The following DLG1 variants were observed in gnomAD, a reference collection of about 807,000 sequenced individuals.
DLG1 encodes discs large MAGUK scaffold protein 1.
DLG1 carries 42 observed loss-of-function variants against 123.4 expected under a neutral mutation model. The ratio of observed to expected loss-of-function variants is 0.34; its 90% CI spans 0.27 to 0.44. The LOEUF is 0.44. DLG1 is among the 20% of genes least tolerant of loss of function. DLG1 has a pLI of 1.00. For missense variants in DLG1, 942 were observed against 1,082.6 expected, an observed-to-expected ratio of 0.87 and a Z score of 1.82; for synonymous variants, 317 against 356.2, an observed-to-expected ratio of 0.89 and a Z score of 1.24.
At chr3:197,177,513 G>A (rs933602945) in intron 5 of DLG1, among the ~76,000 whole-genome samples, 10 of 152,086 alleles carry the variant, frequency 6.6e-5, no homozygotes, top group South Asian at 4.1e-4. Context: ...GAGACAAAAT[G>A]AATGTGGTAT....
chr3:197,144,360 G>A (rs535027391), intron 6 of DLG1, among the ~76,000 whole-genome samples: 1 of 152,120 alleles, frequency 6.6e-6, no homozygotes, highest in Admixed American at 6.5e-5. Context: ...CAAAACCCTT[G>A]GCCAAAAGCC....
chr3:197,169,132 A>C (rs1802832070), intron 5 of DLG1, among the ~76,000 whole-genome samples: 1 of 152,186 alleles, frequency 6.6e-6, no homozygotes, highest in South Asian at 2.1e-4. Flanking sequence ...CTGAACACTC[A>C]CTACATACAG....
rs529595717 is a variant in DLG1 at position 197,125,993 on chromosome 3, G to C, written c.1165+4534C>G. Among the ~76,000 whole-genome samples the C allele has an allele frequency of 2.0e-5, 3 of 152,158 alleles. No homozygotes were observed. In the East Asian group the frequency reaches 5.8e-4, roughly 29 times the overall value. ...TTATGTAAAAAAAATTTAAACACAA[G>C]TGCTTTTCAAAAAACACAAACAGAT... On this transcript the variant is annotated intron_variant, in intron 11 of 24. Transcript: ENST00000667157.
rs188995204 is a variant in DLG1, at chr3:197,063,459, G to T, written c.2373+1817C>A. On this transcript the variant is annotated intron_variant, in intron 22 of 24. Transcript: ENST00000667157. The stretch of plus-strand genomic sequence containing the variant: ...CATTAAGTTCTGATTTACCTTTCCT[G>T]TGCTTATTTTCACACAACTGAGCAG... 2.4e-4 allele frequency among the ~76,000 whole-genome samples: 36 copies of T among 151,872 alleles called. No individual in the cohort carries two copies. In the East Asian group the frequency reaches 6.6e-3, roughly 28 times the overall value.
chr3:197,064,011 C>T (rs1737696684), intron 22 of DLG1, among the ~76,000 whole-genome samples: 1 of 148,696 alleles, frequency 6.7e-6, no homozygotes, highest in South Asian at 2.1e-4. Flanking sequence ...TCACTGCAAT[C>T]TCCTGGGTTC....
rs558427868 is a variant in DLG1, at chr3:197,298,550, A to C, written c.-46T>G. 32 of 398,314 alleles carry C rather than the reference A, an allele frequency of 8.0e-5. No homozygotes were observed. The highest frequency in any genetic ancestry group is 4.5e-4 in the African/African-American group (22 of 48,608). The allele number at this position is 398,314 out of a possible 1,614,324, so 24.7% of individuals were successfully genotyped here. On this transcript the variant is annotated 5_prime_UTR_variant, in exon 1 of 25. Coordinates refer to ENST00000667157, the MANE Select transcript of DLG1 (RefSeq NM_001366207.1). ...GGCGCACATACCGAGACACCCCTCA[A>C]CCTCACTCAGCAGTGCCGTTTCCAA...
chr3:197,222,205 G>A (rs770783724), intron 4 of DLG1, among the ~76,000 whole-genome samples: 5 of 152,124 alleles, frequency 3.3e-5, no homozygotes, highest in South Asian at 2.1e-4. Flanking sequence ...AGGAGAGTCC[G>A]TGTGACACAG....
intron 5 of DLG1, among the ~76,000 whole-genome samples, chr3:197,178,109 A>G (rs1243845360): frequency 1.3e-5 from 2 of 152,140 alleles, no homozygotes; most frequent in African/African-American, 4.8e-5. Flanking sequence ...AGACAGTAAA[A>G]AATGTATAAT....
chr3:197,170,093 A>G (rs1345858605), intron 5 of DLG1, among the ~76,000 whole-genome samples: 1 of 152,122 alleles, frequency 6.6e-6, no homozygotes, highest in Non-Finnish European at 1.5e-5. Flanking sequence ...ACAAGATCTC[A>G]TTCATTTTTA....
chr3:197,125,816 A>G (rs990307234), intron 11 of DLG1, among the ~76,000 whole-genome samples: 1 of 152,202 alleles, frequency 6.6e-6, no homozygotes, highest in Non-Finnish European at 1.5e-5. Context: ...TGGCAAAACG[A>G]CAATGGGCCT....
intron 20 of DLG1, among the ~76,000 whole-genome samples, chr3:197,066,220 T>C (rs574854546): frequency 1.6e-4 from 24 of 152,228 alleles, no homozygotes; most frequent in Admixed American, 1.0e-3. Context: ...AAAGATGATC[T>C]AACAGAAGTG....
intron 4 of DLG1, among the ~76,000 whole-genome samples, chr3:197,275,398 C>G (rs1368265850): frequency 6.6e-6 from 1 of 152,134 alleles, no homozygotes; most frequent in Non-Finnish European, 1.5e-5. Flanking sequence ...GCGAGGTATA[C>G]ACCCAAAAGA....
chr3:197,297,749 C>T (rs1778215502), intron 1 of DLG1: 1 of 986,250 alleles, frequency 1.0e-6, no homozygotes, highest in Non-Finnish European at 1.2e-6. Flanking sequence ...GCGACGCCCT[C>T]GCGCCCCGCA....
At chr3:197,220,703 G>A (rs1006488738) in intron 4 of DLG1, among the ~76,000 whole-genome samples, 5 of 152,234 alleles carry the variant, frequency 3.3e-5, no homozygotes, top group Admixed American at 2.6e-4. Flanking sequence ...ACACCATCCT[G>A]AAAGACTGAG....
intron 13 of DLG1, among the ~76,000 whole-genome samples, chr3:197,113,059 A>C (rs1475311279): frequency 6.6e-6 from 1 of 152,166 alleles, no homozygotes; most frequent in African/African-American, 2.4e-5. Context: ...TCTAGAATTA[A>C]ATTTTATGTC....
chr3:197,295,339 T>G (rs1013961637), intron 3 of DLG1, among the ~76,000 whole-genome samples: 3 of 152,206 alleles, frequency 2.0e-5, no homozygotes, highest in Non-Finnish European at 4.4e-5. Context: ...GACTTGAAAG[T>G]AGTCTTCAAA....
chr3:197,288,741 A>ATACATACAGACAT (rs1213910267), intron 3 of DLG1, among the ~76,000 whole-genome samples: 1 of 63,434 alleles, frequency 1.6e-5, no homozygotes, highest in African/African-American at 7.8e-5. Context: ...AAAAAAAAAA[A>ATACATACAGACAT]AAATACATAC....
chr3:197,137,284 T>C (rs1334803914), intron 9 of DLG1, among the ~76,000 whole-genome samples: 1 of 152,216 alleles, frequency 6.6e-6, no homozygotes, highest in East Asian at 1.9e-4. Flanking sequence ...GCCATCAATG[T>C]TTTAAAAATT....
At chr3:197,087,182 T>C (rs532867572) in intron 15 of DLG1, among the ~76,000 whole-genome samples, 1 of 152,252 alleles carries the variant, frequency 6.6e-6, no homozygotes, top group Non-Finnish European at 1.5e-5. Flanking sequence ...AGAATGTAAC[T>C]ATCATTCTTA....
Sources: gnomAD v4.1 joint callset for allele counts (sites outside exome capture counted in the v4.1 genomes callset) on GRCh38, gnomAD v4.1.1 for gene constraint, MANE v1.5 for transcripts, NCBI Gene and HGNC (gene_info 2026-07-23, HGNC 2026-07-21) for gene names.